TYW5: variants seen among roughly 807,000 people sequenced by gnomAD.
TYW5 encodes tRNA-yW synthesizing protein 5, also known as tRNA wybutosine-synthesizing protein 5.
In TYW5, 36 loss-of-function variants were observed where a neutral mutation model predicts 44.4. The ratio of observed to expected loss-of-function variants is 0.81; its 90% CI spans 0.62 to 1.07. The LOEUF (loss-of-function observed/expected upper bound fraction) is 1.07, where lower values mean the gene tolerates loss of function less well. Among genes scored for constraint, TYW5 ranks in the 50% least tolerant of loss-of-function variants. TYW5 has a pLI of 0.00. For synonymous variants in TYW5, 121 were observed against 128.1 expected (o/e 0.94, Z 0.37); for missense variants, 354 against 365.7 (o/e 0.97, Z 0.26).
At chr2:199,948,099 AT>A in intron 2 of TYW5, 2 of 470,124 alleles carry the variant, frequency 4.3e-6, no homozygotes, top group South Asian at 2.8e-5. Context: ...CTCAAAAAAA[AT>A]AAAAAATAAA....
Position 199,935,761 on chromosome 2 carries a change from CACACAT to C in TYW5, c.691+164_691+169del, listed in dbSNP as rs1320051218. On this transcript the variant is annotated intron_variant, in intron 7 of 7. Transcript: ENST00000354611. Reference sequence around the variant, plus strand: ...ACACACACACACACACACACACACACACACATACACACACACGCACACACAGAGTTT... The same window carrying C: ...ACACACACACACACACACACACACACACACACACACGCACACACAGAGTTT... 6.8e-4 allele frequency among the ~76,000 whole-genome samples: 89 copies of C among 131,566 alleles called. 1 individual carries two copies. The highest frequency in any genetic ancestry group is 6.1e-3 in the South Asian group (22 of 3,598). 86.3% of individuals were successfully genotyped at this position (131,566 alleles called of 152,430 possible).
rs369061493 is a variant in TYW5 at position 199,941,472 on chromosome 2, CCAACACTGAG to C, written c.304-1349_304-1340del. ...AAACTCAGAATTCTGCCTCTTTCAC[CCAACACTGAG>C]AATTATAACATAAACTTCAAAAGAT... is the stretch of plus-strand genomic sequence containing the variant. On this transcript the variant is annotated intron_variant, in intron 3 of 7. Transcript: ENST00000354611. Among the ~76,000 whole-genome samples the C allele has an allele frequency of 6.8e-3, 1,032 of 152,196 alleles. 10 individuals carry two copies. The highest frequency in any genetic ancestry group is 0.023 in the African/African-American group (975 of 41,526).
intron 1 of TYW5, among the ~76,000 whole-genome samples, chr2:199,949,948 T>C (rs1376398924): frequency 6.6e-6 from 1 of 152,132 alleles, no homozygotes; most frequent in African/African-American, 2.4e-5. Context: ...CCCTTCAAGA[T>C]GCTTCTTGTG....
At chr2:199,941,652 G>C (rs2105700366) in intron 3 of TYW5, among the ~76,000 whole-genome samples, 1 of 152,130 alleles carries the variant, frequency 6.6e-6, no homozygotes, top group East Asian at 1.9e-4. Context: ...AAAGTCTAAG[G>C]GTTTTCTACT....
chr2:199,931,266 T>G lies in TYW5; in HGVS notation c.*1801A>C, dbSNP rs2077375469. 1 of 152,194 alleles carries G rather than the reference T, an allele frequency of 6.6e-6. No individual in the cohort carries two copies. Among genetic ancestry groups the G allele is most frequent in the Non-Finnish European group, 1.5e-5 (1 of 68,024 alleles). The allele number at this position is 152,194 out of a possible 1,614,324, so 9.4% of individuals were successfully genotyped here. A position where few individuals can be genotyped will look rare whatever the true frequency, so the allele number is the denominator to read the frequency against. Reference sequence around the variant, plus strand: ...AGATGAGGAAAATAAGCTTCATAGATAAATGTTATTTTGTCTAAGGTCATC... The same window carrying G: ...AGATGAGGAAAATAAGCTTCATAGAGAAATGTTATTTTGTCTAAGGTCATC... On this transcript the variant is annotated 3_prime_UTR_variant, in exon 8 of 8. Transcript: ENST00000354611.
intron 1 of TYW5, among the ~76,000 whole-genome samples, chr2:199,950,252 A>C (rs561985985): frequency 1.3e-5 from 2 of 152,302 alleles, no homozygotes; most frequent in South Asian, 2.1e-4. Flanking sequence ...AACCATAAAC[A>C]TTTCAAGGTT....
intron 2 of TYW5, chr2:199,944,419 C>A (rs1047780135): frequency 6.6e-6 from 1 of 152,298 alleles, no homozygotes; most frequent in Non-Finnish European, 1.5e-5. Context: ...AGTGAAGTGA[C>A]CAATTTTTAT....
rs1446871665 is a variant in TYW5, at chr2:199,930,329, C to T, written c.*2738G>A. The T allele has an allele frequency of 2.6e-5, 4 of 152,200 alleles. No individual in the cohort carries two copies. Among genetic ancestry groups the T allele is most frequent in the Non-Finnish European group, 5.9e-5 (4 of 68,044 alleles). 9.4% of individuals were successfully genotyped at this position (152,200 alleles called of 1,614,324 possible). ...CTAAGCAGCCCACCTAGTTGAACCT[C>T]TTCTTGGAGGCATAATTATCACTGG... On this transcript the variant is annotated 3_prime_UTR_variant, in exon 8 of 8. Transcript: ENST00000354611.
chr2:199,948,042 A>T, intron 2 of TYW5: 2 of 289,126 alleles, frequency 6.9e-6, no homozygotes, highest in Non-Finnish European at 1.3e-5. Flanking sequence ...CAGTGAGCCA[A>T]AATCACACAC....
At chr2:199,935,777 C>T (rs894744420) in intron 7 of TYW5, among the ~76,000 whole-genome samples, 154 bp downstream of exon 7, 16 of 145,510 alleles carry the variant, frequency 1.1e-4, no homozygotes, top group South Asian at 4.4e-4. Context: ...TACACACACA[C>T]GCACACACAG....
intron 1 of TYW5, among the ~76,000 whole-genome samples, chr2:199,950,456 A>G (rs2077535850): frequency 1.3e-5 from 2 of 152,172 alleles, no homozygotes; most frequent in Admixed American, 1.3e-4. Context: ...ATAAAGTTAT[A>G]ACACAGATGA....
At chr2:199,945,039 T>C (rs1574804403) in intron 2 of TYW5, 2 of 152,322 alleles carry the variant, frequency 1.3e-5, no homozygotes, top group Non-Finnish European at 1.5e-5. Context: ...TACAAATACT[T>C]GTTCAGAAGC....
chr2:199,944,952 A>G (rs573752225), intron 2 of TYW5: 1 of 152,356 alleles, frequency 6.6e-6, no homozygotes, highest in South Asian at 2.1e-4. Flanking sequence ...GTCAGTTGTG[A>G]TATCAGGTAA....
At chr2:199,953,631 C>G (rs2077565816) in intron 1 of TYW5, among the ~76,000 whole-genome samples, 1 of 152,198 alleles carries the variant, frequency 6.6e-6, no homozygotes, top group Non-Finnish European at 1.5e-5. Context: ...TCTATCTATT[C>G]ATGTACCTGT....
rs1261442400 is a variant in TYW5 at position 199,935,987 on chromosome 2, G to GA, written c.634dup (p.Ser212PhefsTer4). 6.2e-7 allele frequency: 1 copy of GA among 1,612,948 alleles called. No homozygotes were observed. Among genetic ancestry groups the GA allele is most frequent in the Non-Finnish European group, 8.5e-7 (1 of 1,179,412 alleles). ...GGAACATTCATATCTTCTAGCCTTGGAAAAAAGTGGATATTTAGCCAAGTC... is the reference window on the plus strand; with the variant it reads ...GGAACATTCATATCTTCTAGCCTTGGAAAAAAAGTGGATATTTAGCCAAGTC... On this transcript the variant is annotated frameshift_variant, in exon 7 of 8. Transcript: ENST00000354611. LOFTEE classifies it high-confidence loss of function.
chr2:199,950,417 T>C (rs773828072), intron 1 of TYW5, among the ~76,000 whole-genome samples: 28 of 152,178 alleles, frequency 1.8e-4, no homozygotes, highest in Non-Finnish European at 3.1e-4. Context: ...CACACCACTG[T>C]AAAAAACATG....
Position 199,952,573 on chromosome 2 carries a change from T to C in TYW5, c.78+2820A>G, listed in dbSNP as rs116608997. ...CCATACAAGGGCTTTTACTGTCCTT[T>C]ATATGAGATAAATGTTGCAAATATT... On this transcript the variant is annotated intron_variant, in intron 1 of 7. Coordinates refer to ENST00000354611, the MANE Select transcript of TYW5 (RefSeq NM_001039693.3). 7.9e-3 allele frequency among the ~76,000 whole-genome samples: 1,207 copies of C among 152,368 alleles called. 22 individuals are homozygous for C. Among genetic ancestry groups the C allele is most frequent in the African/African-American group, 0.027 (1,143 of 41,590 alleles).
At position 199,943,704 on chromosome 2, in the gene TYW5, A is replaced by C. The variant is rs541007778; in HGVS notation, c.303+61T>G. On this transcript the variant is annotated intron_variant, in intron 3 of 7. Coordinates refer to ENST00000354611, the MANE Select transcript of TYW5 (RefSeq NM_001039693.3). ...CTTGTGTATCTACTATTCTTTCATA[A>C]GAAAATCCATTTAGTATATAGATAT... 91 of 1,359,252 alleles carry C rather than the reference A, an allele frequency of 6.7e-5. 2 individuals carry two copies. In the South Asian group the frequency reaches 1.0e-3, roughly 15 times the overall value. 84.2% of individuals were successfully genotyped at this position (1,359,252 alleles called of 1,614,324 possible).
intron 4 of TYW5, 25 bp from the exon 5 acceptor site, chr2:199,939,095 A>C (rs2077443867): frequency 6.3e-7 from 1 of 1,577,840 alleles, no homozygotes; most frequent in Non-Finnish European, 8.6e-7. Flanking sequence ...ACATAAAAAG[A>C]AAAAATTAGA....
Sources: gnomAD v4.1 joint callset for allele counts (sites outside exome capture counted in the v4.1 genomes callset) on GRCh38, gnomAD v4.1.1 for gene constraint, MANE v1.5 for transcripts, NCBI Gene and HGNC (gene_info 2026-07-23, HGNC 2026-07-21) for gene names.